Variants in ELAPOR2 observed in about 807,000 individuals in gnomAD.
The protein encoded by ELAPOR2 is endosome-lysosome associated apoptosis and autophagy regulator family member 2.
ELAPOR2 carries 89 observed loss-of-function variants against 120.7 expected under a neutral mutation model. That is an observed-to-expected ratio of 0.74 (90% CI 0.62 to 0.88). ELAPOR2 has a LOEUF of 0.88. Ranked by LOEUF, ELAPOR2 falls within the 40% of genes least tolerant of loss-of-function variation. The probability of loss-of-function intolerance (pLI) is 0.00; values close to 1 mark genes in which losing one functional copy is unlikely to be tolerated. For missense variants in ELAPOR2, 1,134 were observed against 1,251.6 expected (o/e 0.91, Z 1.42); for synonymous variants, 444 against 444.9 (o/e 1.00, Z 0.03).
intron 16 of ELAPOR2, 46 bp downstream of exon 16, chr7:86,909,766 T>A (rs1281102780): frequency 6.9e-7 from 1 of 1,439,474 alleles, no homozygotes; most frequent in Non-Finnish European, 9.4e-7. Flanking sequence ...ATAGCATAAT[T>A]TAAGAATAAA....
chr7:86,984,114 G>A (rs899839749), intron 1 of ELAPOR2, among the ~76,000 whole-genome samples: 2 of 151,956 alleles, frequency 1.3e-5, no homozygotes, highest in African/African-American at 4.8e-5. Context: ...TAATGGTAAA[G>A]GGATTAACAA....
chr7:86,904,280 G>A (rs949042304), intron 18 of ELAPOR2, among the ~76,000 whole-genome samples: 1 of 152,026 alleles, frequency 6.6e-6, no homozygotes, highest in East Asian at 1.9e-4. Context: ...GAACCCTTTG[G>A]ACACAATGCT....
At chr7:86,997,073 T>C (rs984267559) in intron 1 of ELAPOR2, among the ~76,000 whole-genome samples, 2 of 152,210 alleles carry the variant, frequency 1.3e-5, no homozygotes, top group Non-Finnish European at 1.5e-5. Flanking sequence ...ATCCTGTCAC[T>C]AATTTTTCCA....
intron 1 of ELAPOR2, among the ~76,000 whole-genome samples, chr7:87,040,421 T>G (rs1337550714): frequency 6.6e-6 from 1 of 152,160 alleles, no homozygotes; most frequent in East Asian, 1.9e-4. Context: ...CAGCTGGAGA[T>G]CTGAGAATGG....
chr7:87,021,082 A>C (rs1794024481), intron 1 of ELAPOR2, among the ~76,000 whole-genome samples: 2 of 152,140 alleles, frequency 1.3e-5, no homozygotes, highest in South Asian at 2.1e-4. Flanking sequence ...ACAGATTAGA[A>C]CAACACAGAA....
At chr7:87,049,999 T>G (rs1223372462) in intron 1 of ELAPOR2, among the ~76,000 whole-genome samples, 1 of 152,154 alleles carries the variant, frequency 6.6e-6, no homozygotes. Flanking sequence ...TTCTCTCTCT[T>G]TCTTTCTTGC....
At chr7:86,922,482 C>A (rs1256758047) in intron 10 of ELAPOR2, among the ~76,000 whole-genome samples, 1 of 151,672 alleles carries the variant, frequency 6.6e-6, no homozygotes, top group African/African-American at 2.4e-5. Flanking sequence ...AAAAAAAACA[C>A]CATTAACATG....
intron 1 of ELAPOR2, among the ~76,000 whole-genome samples, chr7:87,041,127 C>T (rs1794771668): frequency 6.6e-6 from 1 of 152,158 alleles, no homozygotes; most frequent in African/African-American, 2.4e-5. Context: ...AAGACCAAAT[C>T]TATGTCTGAT....
At chr7:86,895,712 T>C (rs1233869552) in intron 19 of ELAPOR2, among the ~76,000 whole-genome samples, 1 of 152,114 alleles carries the variant, frequency 6.6e-6, no homozygotes, top group East Asian at 1.9e-4. Context: ...TGTCTTAACC[T>C]TCTCATCATT....
chr7:86,944,288 T>C (rs971247438), intron 4 of ELAPOR2, among the ~76,000 whole-genome samples: 1 of 152,128 alleles, frequency 6.6e-6, no homozygotes, highest in East Asian at 1.9e-4. Context: ...TAACAGCTTA[T>C]TTTGTTAGAT....
intron 18 of ELAPOR2, among the ~76,000 whole-genome samples, chr7:86,900,124 T>G (rs974425346): frequency 3.3e-5 from 5 of 152,126 alleles, no homozygotes; most frequent in Non-Finnish European, 7.4e-5. Flanking sequence ...TCCTACATTT[T>G]GTTTTCTAGC....
In ELAPOR2 at chr7:86,893,079, C is replaced by G; in HGVS notation, c.2707G>C (p.Glu903Gln). ...GFQETLYVWN[E>Q]PKWCIKGISL... is the part of the protein sequence containing the mutation. ...ATTCCTTTAATGCACCATTTAGGTT[C>G]ATTCCACACATACAAGGTTTCCTTT... The change falls in exon 20 of 22, where the codon GAA becomes CAA. Residue 903 changes from glutamate to glutamine, a missense_variant. Physicochemically the swap from Glu to Gln is conservative, Grantham distance 29. This residue lies in a region of ELAPOR2 where 831 missense variants were observed against 867.6 expected (regional missense o/e 0.96). Coordinates refer to ENST00000450689, the MANE Select transcript of ELAPOR2 (RefSeq NM_001142749.3). 1.9e-6 allele frequency: 3 copies of G among 1,551,956 alleles called. No homozygotes were observed. Among genetic ancestry groups the G allele is most frequent in the Non-Finnish European group, 2.6e-6 (3 of 1,157,458 alleles).
At chr7:86,980,699 C>T (rs1337816227) in intron 1 of ELAPOR2, among the ~76,000 whole-genome samples, 2 of 152,174 alleles carry the variant, frequency 1.3e-5, no homozygotes, top group South Asian at 2.1e-4. Flanking sequence ...AAGGATCCTT[C>T]CTACTCTCCA....
chr7:86,898,560 A>G (rs1271727184), intron 18 of ELAPOR2, among the ~76,000 whole-genome samples: 1 of 55,336 alleles, frequency 1.8e-5, no homozygotes, highest in Admixed American at 1.4e-4. Context: ...CACAATGACC[A>G]AAAAAAAAAA....
chr7:86,963,225 G>GTGCT (rs1791783656), intron 2 of ELAPOR2, among the ~76,000 whole-genome samples: 2 of 152,146 alleles, frequency 1.3e-5, no homozygotes, highest in Admixed American at 1.3e-4. Context: ...TTTTAGAAAA[G>GTGCT]TGCTTGCTAG....
At chr7:86,897,446 T>C in intron 19 of ELAPOR2, 60 bp downstream of exon 19, 3 of 1,567,736 alleles carry the variant, frequency 1.9e-6, no homozygotes, top group African/African-American at 1.4e-5. Flanking sequence ...GTTTCTATGA[T>C]TTGATGCCAG....
chr7:86,945,332 C>G (rs1790956435), intron 3 of ELAPOR2, among the ~76,000 whole-genome samples: 1 of 152,176 alleles, frequency 6.6e-6, no homozygotes, highest in Non-Finnish European at 1.5e-5. Context: ...ATTTTAGTAG[C>G]CTTAGATGGA....
At chr7:87,054,861 T>C (rs1242029784) in intron 1 of ELAPOR2, among the ~76,000 whole-genome samples, 2 of 152,196 alleles carry the variant, frequency 1.3e-5, no homozygotes, top group East Asian at 3.9e-4. Flanking sequence ...CTTATTTGGA[T>C]TTCATCGGGC....
intron 1 of ELAPOR2, among the ~76,000 whole-genome samples, chr7:86,993,363 A>G (rs918159363): frequency 1.3e-5 from 2 of 152,204 alleles, no homozygotes; most frequent in Non-Finnish European, 2.9e-5. Context: ...ATACCACACA[A>G]TAAGCACTAG....
Sources: allele counts gnomAD v4.1 joint callset (sites outside exome capture counted in the v4.1 genomes callset), GRCh38; gene constraint gnomAD v4.1.1; regional missense constraint gnomAD v4.1.1; transcripts MANE v1.5; gene names NCBI Gene and HGNC (gene_info 2026-07-23, HGNC 2026-07-21).